HIPK2: variants seen among roughly 807,000 people sequenced by gnomAD.
HIPK2 encodes the protein homeodomain-interacting protein kinase 2.
HIPK2 carries 27 observed loss-of-function variants against 113.7 expected under a neutral mutation model. That is an observed-to-expected ratio of 0.24 (90% CI 0.17 to 0.33). The LOEUF (loss-of-function observed/expected upper bound fraction) is 0.33. HIPK2 is among the 10% of genes least tolerant of loss of function. The pLI, the probability that HIPK2 is intolerant of heterozygous loss-of-function variation, is 1.00. For missense variants in HIPK2, 1,257 were observed against 1,588.0 expected, an observed-to-expected ratio of 0.79 and a Z score of 3.54; for synonymous variants, 631 against 642.2, an observed-to-expected ratio of 0.98 and a Z score of 0.26.
chr7:139,681,774 C>A (rs887622164), intron 2 of HIPK2, among the ~76,000 whole-genome samples: 1 of 152,188 alleles, frequency 6.6e-6, no homozygotes, highest in African/African-American at 2.4e-5. Context: ...ACTTTCCATG[C>A]ACCAAGCCCT....
chr7:139,689,400 T>C (rs1322942497), intron 2 of HIPK2, among the ~76,000 whole-genome samples: 2 of 152,252 alleles, frequency 1.3e-5, no homozygotes, highest in Admixed American at 6.5e-5. Context: ...GTATGTTATA[T>C]GCTGTCTTAT....
At chr7:139,703,275 A>T (rs1265109701) in intron 2 of HIPK2, among the ~76,000 whole-genome samples, 1 of 152,182 alleles carries the variant, frequency 6.6e-6, no homozygotes. Flanking sequence ...AATACAGAAC[A>T]GCCACATCAT....
intron 2 of HIPK2, among the ~76,000 whole-genome samples, chr7:139,648,439 C>A (rs918042688): frequency 4.6e-5 from 7 of 152,104 alleles, no homozygotes; most frequent in Admixed American, 6.5e-5. Flanking sequence ...AAATCACTAG[C>A]GGCAGAGAGA....
intron 2 of HIPK2, among the ~76,000 whole-genome samples, chr7:139,670,776 T>C (rs1802255588): frequency 8.1e-6 from 1 of 122,842 alleles, no homozygotes; most frequent in South Asian, 2.7e-4. Context: ...TTTTTTTTTT[T>C]TTTTTGAGGC....
intron 2 of HIPK2, among the ~76,000 whole-genome samples, chr7:139,645,091 G>C (rs1201116438): frequency 6.6e-6 from 1 of 152,250 alleles, no homozygotes; most frequent in African/African-American, 2.4e-5. Context: ...ACAGGCAGAA[G>C]AAACACGATG....
chr7:139,658,028 A>G (rs1227713214), intron 2 of HIPK2, among the ~76,000 whole-genome samples: 3 of 152,136 alleles, frequency 2.0e-5, no homozygotes, highest in Middle Eastern at 3.2e-3. Flanking sequence ...AAGTTCCCTC[A>G]GCCATAAGAT....
At chr7:139,603,137 TC>T (rs1389786471) in intron 10 of HIPK2, among the ~76,000 whole-genome samples, 1 of 152,062 alleles carries the variant, frequency 6.6e-6, no homozygotes, top group Non-Finnish European at 1.5e-5. Context: ...CCACCTTTCT[TC>T]TTTTCTCGGA....
At chr7:139,646,210 C>T (rs1312080661) in intron 2 of HIPK2, among the ~76,000 whole-genome samples, 1 of 152,106 alleles carries the variant, frequency 6.6e-6, no homozygotes, top group African/African-American at 2.4e-5. Flanking sequence ...AAACGGTTCC[C>T]TTAAGGCTGG....
At chr7:139,690,334 G>A (rs781174077) in intron 2 of HIPK2, among the ~76,000 whole-genome samples, 23 of 152,324 alleles carry the variant, frequency 1.5e-4, no homozygotes, top group South Asian at 6.2e-4. Context: ...ACAGCAGGCT[G>A]TGGACAGATG....
intron 9 of HIPK2, among the ~76,000 whole-genome samples, chr7:139,609,811 G>A (rs570066162): frequency 6.6e-6 from 1 of 151,936 alleles, no homozygotes; most frequent in South Asian, 2.1e-4. Context: ...TACTGGATAG[G>A]GCAGGATTTT....
chr7:139,716,739 C>A lies in HIPK2; in HGVS notation c.296G>T (p.Ser99Ile). ...GACTTGCCCGGTGACAGAAGTGCTG[C>A]TTGCTGAGGTGACCACGATGTGCCC... ...STGHIVVTSA[S>I]STSVTGQVLG... The change falls in exon 2 of 15, where the codon AGC (serine) becomes ATC (isoleucine). Residue 99 changes from serine (S) to isoleucine (I), a missense_variant. By Grantham distance (142) the Ser-to-Ile change is moderately radical. This residue lies in a region of HIPK2 where 209 missense variants were observed against 237.8 expected (regional missense o/e 0.88). Coordinates refer to ENST00000406875, the MANE Select transcript of HIPK2 (RefSeq NM_022740.5). This position sits in a 1 kb window ranked among gnomAD's most constrained non-coding sequence, Gnocchi z 9.3. The A allele has an allele frequency of 6.2e-7, 1 of 1,613,950 alleles. No homozygotes were observed. The highest frequency in any genetic ancestry group is 1.3e-5 in the African/African-American group (1 of 75,044).
chr7:139,656,625 C>T (rs976539091), intron 2 of HIPK2, among the ~76,000 whole-genome samples: 1 of 152,188 alleles, frequency 6.6e-6, no homozygotes, highest in African/African-American at 2.4e-5. Context: ...AACCAACTTG[C>T]CTATCACACG....
At chr7:139,581,345 G>A (rs1798662723) in intron 13 of HIPK2, among the ~76,000 whole-genome samples, 1 of 152,230 alleles carries the variant, frequency 6.6e-6, no homozygotes, top group African/African-American at 2.4e-5. Flanking sequence ...TCAGAGAGCA[G>A]GCATCTGGCC....
At chr7:139,721,115 C>T (rs1178016614) in intron 1 of HIPK2, among the ~76,000 whole-genome samples, 11 of 152,206 alleles carry the variant, frequency 7.2e-5, no homozygotes. Flanking sequence ...GCCCCTGCTG[C>T]CCCTTTATGA....
At chr7:139,606,940 A>G (rs1799639074) in intron 9 of HIPK2, among the ~76,000 whole-genome samples, 1 of 152,258 alleles carries the variant, frequency 6.6e-6, no homozygotes, top group South Asian at 2.1e-4. Context: ...AGAGGAAACA[A>G]AAACAGTGTG....
rs1798672836 is a variant in HIPK2, at chr7:139,581,654, G to C, written c.2965+2163C>G. On this transcript the variant is annotated intron_variant, in intron 13 of 14. Coordinates refer to ENST00000406875, the MANE Select transcript of HIPK2 (RefSeq NM_022740.5). Reference sequence around the variant, plus strand: ...GCTGTAGCTGGGGGAGCTGTTAACTGGCTGTACCTTGGCCTGTATGCATCA... The same window carrying C: ...GCTGTAGCTGGGGGAGCTGTTAACTCGCTGTACCTTGGCCTGTATGCATCA... 1.3e-5 allele frequency among the ~76,000 whole-genome samples: 2 copies of C among 152,234 alleles called. 1 individual carries two copies. The highest frequency in any genetic ancestry group is 1.3e-4 in the Admixed American group (2 of 15,286).
rs1020521193 is a variant in HIPK2, at chr7:139,572,311, C to A, written c.*616G>T. 6.6e-6 allele frequency: 1 copy of A among 152,264 alleles called. No homozygotes were observed. Among genetic ancestry groups the A allele is most frequent in the African/African-American group, 2.4e-5 (1 of 41,474 alleles). The allele number at this position is 152,264 out of a possible 1,614,324, so 9.4% of individuals were successfully genotyped here. A position where few individuals can be genotyped will look rare whatever the true frequency, so the allele number is the denominator to read the frequency against. Reference sequence around the variant, plus strand: ...GGGCTTCGCCAATCCCACACCAGCTCCAAACATCAGCCTCCTCAGGCTGCA... The same window carrying A: ...GGGCTTCGCCAATCCCACACCAGCTACAAACATCAGCCTCCTCAGGCTGCA... On this transcript the variant is annotated 3_prime_UTR_variant, in exon 15 of 15. Transcript: ENST00000406875.
intron 2 of HIPK2, among the ~76,000 whole-genome samples, chr7:139,701,058 A>G (rs1222341108): frequency 6.6e-6 from 1 of 152,230 alleles, no homozygotes; most frequent in Admixed American, 6.5e-5. Context: ...CGCCAGCACC[A>G]AACTAACTGG....
In HIPK2 at chr7:139,690,447, T is replaced by A. The variant is rs1346787536; in HGVS notation, c.1103+25485A>T. On this transcript the variant is annotated intron_variant, in intron 2 of 14. Transcript: ENST00000406875. ...TGGGAACTAATGGGAGGTATTTGGG[T>A]CATGGGGACAGATCCCTCATGAACG... 3.9e-5 allele frequency among the ~76,000 whole-genome samples: 6 copies of A among 152,052 alleles called. No individual in the cohort carries two copies. In the East Asian group the frequency reaches 1.2e-3, roughly 29 times the overall value.
Sources: allele counts gnomAD v4.1 joint callset (sites outside exome capture counted in the v4.1 genomes callset), GRCh38; gene constraint gnomAD v4.1.1; regional missense constraint gnomAD v4.1.1; non-coding constraint Gnocchi (gnomAD v3.1); transcripts MANE v1.5; gene names NCBI Gene and HGNC (gene_info 2026-07-23, HGNC 2026-07-21).